PRIMA1: variants seen among roughly 807,000 people sequenced by gnomAD.
PRIMA1 encodes proline rich membrane anchor 1, also known as proline-rich membrane anchor 1.
Under a neutral mutation model 17.5 loss-of-function variants are expected in PRIMA1, and 7 were observed. The ratio of observed to expected loss-of-function variants is 0.40; its 90% CI spans 0.23 to 0.75. PRIMA1 has a LOEUF of 0.75. Among genes scored for constraint, PRIMA1 ranks in the 30% least tolerant of loss-of-function variants. The pLI is 0.37. For missense variants in PRIMA1, 200 were observed against 201.8 expected (o/e 0.99, Z 0.05); for synonymous variants, 97 against 77.9 (o/e 1.25, Z -1.29).
rs2076017351 is a variant in PRIMA1 at position 93,718,473 on chromosome 14, T to C, written c.*2971A>G. 6.6e-6 allele frequency: 1 copy of C among 152,598 alleles called. No individual in the cohort carries two copies. Among genetic ancestry groups the C allele is most frequent in the Non-Finnish European group, 1.5e-5 (1 of 68,038 alleles). The allele number at this position is 152,598 out of a possible 1,614,324, so 9.5% of individuals were successfully genotyped here. ...GGCATCAACTTGTACATTTGCCCAT[T>C]GAGAGAACTCCCAGGAGCAACTGTC... On this transcript the variant is annotated 3_prime_UTR_variant, in exon 5 of 5. Coordinates refer to ENST00000393140, the MANE Select transcript of PRIMA1 (RefSeq NM_178013.4).
At chr14:93,756,050 C>T (rs775452976) in intron 3 of PRIMA1, among the ~76,000 whole-genome samples, 4 of 152,132 alleles carry the variant, frequency 2.6e-5, no homozygotes, top group Non-Finnish European at 2.9e-5. Flanking sequence ...CTGTGAGATG[C>T]CAATTTTTAA....
intron 4 of PRIMA1, among the ~76,000 whole-genome samples, chr14:93,722,997 G>C (rs1185404016): frequency 5.9e-5 from 9 of 152,098 alleles, no homozygotes; most frequent in Non-Finnish European, 2.9e-5. Flanking sequence ...GGGAGGCTCT[G>C]AGAAGGCTGT....
At chr14:93,775,004 T>C (rs1885172717) in intron 3 of PRIMA1, among the ~76,000 whole-genome samples, 1 of 152,232 alleles carries the variant, frequency 6.6e-6, no homozygotes, top group African/African-American at 2.4e-5. Flanking sequence ...AATCGGCCTC[T>C]TATGCCAAGT....
chr14:93,742,689 T>C lies in PRIMA1; in HGVS notation c.230-5319A>G, dbSNP rs139956945. On this transcript the variant is annotated intron_variant, in intron 3 of 4. Coordinates refer to ENST00000393140, the MANE Select transcript of PRIMA1 (RefSeq NM_178013.4). ...AGACAAGCCCTCCAGGTACTCTTGG[T>C]GGCAAATGCCTCCCCTATCGTCCTC... Among the ~76,000 whole-genome samples, 506 of 152,260 alleles carry C rather than the reference T, an allele frequency of 3.3e-3. 7 individuals are homozygous for C. The highest frequency in any genetic ancestry group is 0.012 in the African/African-American group (485 of 41,556).
At chr14:93,724,860 G>A (rs1293567365) in intron 4 of PRIMA1, among the ~76,000 whole-genome samples, 2 of 152,160 alleles carry the variant, frequency 1.3e-5, no homozygotes, top group Non-Finnish European at 2.9e-5. Flanking sequence ...TTCTAGGGTG[G>A]ATAATGAAGA....
intron 3 of PRIMA1, among the ~76,000 whole-genome samples, chr14:93,761,396 T>C (rs1595213710): frequency 6.6e-6 from 1 of 152,044 alleles, no homozygotes; most frequent in East Asian, 1.9e-4. Flanking sequence ...TAAGCTATGG[T>C]TTATAAAGCC....
chr14:93,760,419 G>C (rs1318580036), intron 3 of PRIMA1, among the ~76,000 whole-genome samples: 1 of 152,022 alleles, frequency 6.6e-6, no homozygotes, highest in Non-Finnish European at 1.5e-5. Flanking sequence ...CCGTCTTCGT[G>C]AATGCCATTT....
At chr14:93,734,496 T>C (rs1368404066) in intron 4 of PRIMA1, among the ~76,000 whole-genome samples, 1 of 152,190 alleles carries the variant, frequency 6.6e-6, no homozygotes, top group Non-Finnish European at 1.5e-5. Context: ...CCCACGGCAC[T>C]AGTTTCCCGC....
chr14:93,775,247 G>A (rs1339646492), intron 3 of PRIMA1, among the ~76,000 whole-genome samples: 2 of 152,224 alleles, frequency 1.3e-5, no homozygotes, highest in Non-Finnish European at 2.9e-5. Flanking sequence ...GGCAGGAAGG[G>A]ACACTCCAGT....
intron 2 of PRIMA1, among the ~76,000 whole-genome samples, chr14:93,784,012 T>C (rs531562558): frequency 2.8e-4 from 43 of 152,318 alleles, no homozygotes; most frequent in Admixed American, 2.0e-4. Flanking sequence ...TCTATTCCTC[T>C]GTTTCCTTTG....
At chr14:93,765,475 C>T (rs1884867462) in intron 3 of PRIMA1, among the ~76,000 whole-genome samples, 1 of 149,954 alleles carries the variant, frequency 6.7e-6, no homozygotes, top group Non-Finnish European at 1.5e-5. Flanking sequence ...GCTAACTAAC[C>T]TTGGCAGAGT....
chr14:93,734,710 T>C (rs562964536), intron 4 of PRIMA1, among the ~76,000 whole-genome samples: 4 of 150,730 alleles, frequency 2.7e-5, no homozygotes, highest in South Asian at 2.1e-4. Flanking sequence ...TCCCCGCCCA[T>C]GCCTCTAGAA....
intron 3 of PRIMA1, among the ~76,000 whole-genome samples, chr14:93,744,472 G>A (rs1297646443): frequency 2.0e-5 from 3 of 152,206 alleles, no homozygotes; most frequent in Non-Finnish European, 4.4e-5. Flanking sequence ...GCCTGGGTGC[G>A]GGGCTGCTCA....
Position 93,721,247 on chromosome 14 carries a change from G to A in PRIMA1, c.*197C>T. ...CAGGTGCTGCGCCGGGCTCAGCCTG[G>A]TGTCCGAGCTGCCTGGGCCCGCAGG... On this transcript the variant is annotated 3_prime_UTR_variant, in exon 5 of 5. Transcript: ENST00000393140. 1 of 563,514 alleles carries A rather than the reference G, an allele frequency of 1.8e-6. No homozygotes were observed. Among genetic ancestry groups the A allele is most frequent in the Non-Finnish European group, 3.2e-6 (1 of 316,930 alleles). The allele number at this position is 563,514 out of a possible 1,614,324, so 34.9% of individuals were successfully genotyped here.
chr14:93,725,849 C>T (rs1404947304), intron 4 of PRIMA1: 8 of 436,946 alleles, frequency 1.8e-5, no homozygotes, highest in African/African-American at 4.0e-5. Flanking sequence ...ACGCGTGCCC[C>T]GTGGGGCTCC....
chr14:93,787,022 T>TGG lies in PRIMA1; in HGVS notation c.93+602_93+603dup, dbSNP rs11409529. Among the ~76,000 whole-genome samples, 1,361 of 151,930 alleles carry TGG rather than the reference T, an allele frequency of 9.0e-3. 14 individuals are homozygous for TGG. The highest frequency in any genetic ancestry group is 0.025 in the South Asian group (118 of 4,804). ...ACTGTACCAGTGACGATGCGCATTC[T>TGG]GGGGGGGACTAGGGACCACCCCATT... is the stretch of plus-strand genomic sequence containing the variant. On this transcript the variant is annotated intron_variant, in intron 2 of 4. Coordinates refer to ENST00000393140, the MANE Select transcript of PRIMA1 (RefSeq NM_178013.4).
intron 4 of PRIMA1, among the ~76,000 whole-genome samples, chr14:93,725,462 C>A (rs937282465): frequency 6.6e-6 from 1 of 152,142 alleles, no homozygotes; most frequent in Non-Finnish European, 1.5e-5. Context: ...TCTGCACCCC[C>A]CCAACTCCAC....
rs1006000362 is a variant in PRIMA1 at position 93,721,224 on chromosome 14, G to C, written c.*220C>G. 2.9e-5 allele frequency: 16 copies of C among 543,992 alleles called. No homozygotes were observed. Among genetic ancestry groups the C allele is most frequent in the East Asian group, 2.2e-4 (7 of 32,474 alleles). The allele number at this position is 543,992 out of a possible 1,614,324, so 33.7% of individuals were successfully genotyped here. ...GGGCCTGGGGTGGGGACACTGCCCA[G>C]GTGCTGCGCCGGGCTCAGCCTGGTG... is the stretch of plus-strand genomic sequence containing the variant. On this transcript the variant is annotated 3_prime_UTR_variant, in exon 5 of 5. Transcript: ENST00000393140.
At chr14:93,776,738 G>C (rs1885232394) in intron 3 of PRIMA1, among the ~76,000 whole-genome samples, 1 of 152,160 alleles carries the variant, frequency 6.6e-6, no homozygotes, top group African/African-American at 2.4e-5. Context: ...CAAACACATT[G>C]AAACCTGTAA....
Sources: gnomAD v4.1 joint callset for allele counts (sites outside exome capture counted in the v4.1 genomes callset) on GRCh38, gnomAD v4.1.1 for gene constraint, MANE v1.5 for transcripts, NCBI Gene and HGNC (gene_info 2026-07-23, HGNC 2026-07-21) for gene names.